The following DIAPH2 variants were observed in gnomAD, a reference collection of about 807,000 sequenced individuals.
DIAPH2 encodes protein diaphanous homolog 2.
DIAPH2 carries 35 observed loss-of-function variants against 92.7 expected under a neutral mutation model. That is an observed-to-expected ratio of 0.38 (90% CI 0.29 to 0.50). The LOEUF is 0.50. DIAPH2 is among the 20% of genes least tolerant of loss of function. The pLI, the probability that DIAPH2 is intolerant of heterozygous loss-of-function variation, is 0.94. For synonymous variants in DIAPH2, 301 were observed against 280.4 expected, an observed-to-expected ratio of 1.07 and a Z score of -0.73; for missense variants, 701 against 819.5, an observed-to-expected ratio of 0.86 and a Z score of 1.77.
chrX:97,436,036 AC>A (rs1391946105), intron 26 of DIAPH2, among the ~76,000 whole-genome samples: 1 of 110,631 alleles, frequency 9.0e-6, no homozygotes, highest in Non-Finnish European at 1.9e-5. Flanking sequence ...CAATCTCCTG[AC>A]CTCGTGATCC....
Position 97,338,233 on chromosome X carries a change from G to A in DIAPH2, c.2845-9883G>A, listed in dbSNP as rs372277083. 5.0e-4 allele frequency among the ~76,000 whole-genome samples: 56 copies of A among 111,427 alleles called. No individual in the cohort carries two copies. The South Asian group carries it at 0.02, about 40-fold the overall frequency. ...ATCTTGAACTATTTTAAAGTATTATGTTGAACCCAAATGAAAATTAATACA... is the reference window on the plus strand; with the variant it reads ...ATCTTGAACTATTTTAAAGTATTATATTGAACCCAAATGAAAATTAATACA... On this transcript the variant is annotated intron_variant, in intron 23 of 26. Coordinates refer to ENST00000324765, the MANE Select transcript of DIAPH2 (RefSeq NM_006729.5).
chrX:97,087,120 A>G (rs1478865607), intron 19 of DIAPH2, among the ~76,000 whole-genome samples: 3 of 111,640 alleles, frequency 2.7e-5, no homozygotes. Context: ...GGTGCCAAAA[A>G]ATACTTAATT....
intron 22 of DIAPH2, among the ~76,000 whole-genome samples, chrX:97,225,839 C>G (rs2067961034): frequency 8.9e-6 from 1 of 112,061 alleles, no homozygotes. Context: ...AGTACACAGA[C>G]TATCTGCAAA....
At chrX:96,696,124 A>G (rs1253070213) in intron 1 of DIAPH2, among the ~76,000 whole-genome samples, 4 of 111,896 alleles carry the variant, frequency 3.6e-5, no homozygotes, top group African/African-American at 1.3e-4. Flanking sequence ...GCTGATGCCT[A>G]TAATCCTAGC....
intron 22 of DIAPH2, among the ~76,000 whole-genome samples, chrX:97,207,269 T>C (rs1261238644): frequency 2.7e-5 from 3 of 112,126 alleles, no homozygotes; most frequent in Non-Finnish European, 3.8e-5. Flanking sequence ...CATGTAACAA[T>C]GTTTACAGCG....
rs111827849 is a variant in DIAPH2, at chrX:97,130,476, A to C, written c.2590-11189A>C. The stretch of plus-strand genomic sequence containing the variant: ...ATTATAATATGAATGAATCTCCGTG[A>C]TGTTATGCTACATGAAATAAGCCAT... On this transcript the variant is annotated intron_variant, in intron 21 of 26. Coordinates refer to ENST00000324765, the MANE Select transcript of DIAPH2 (RefSeq NM_006729.5). 5.0e-3 allele frequency among the ~76,000 whole-genome samples: 557 copies of C among 112,012 alleles called. 9 individuals carry two copies. Among genetic ancestry groups the C allele is most frequent in the African/African-American group, 0.017 (534 of 30,831 alleles).
At chrX:97,504,934 C>T (rs1300415186) in intron 26 of DIAPH2, among the ~76,000 whole-genome samples, 3 of 111,786 alleles carry the variant, frequency 2.7e-5, no homozygotes, top group Non-Finnish European at 3.8e-5. Flanking sequence ...TTAGTAGACA[C>T]ATTGACATGG....
intron 23 of DIAPH2, among the ~76,000 whole-genome samples, chrX:97,346,575 T>A (rs917909446): frequency 1.8e-5 from 2 of 112,021 alleles, no homozygotes; most frequent in African/African-American, 6.5e-5. Flanking sequence ...ATTTATTTAA[T>A]ATAAGTTTTA....
chrX:96,711,418 C>T (rs1046518110), intron 1 of DIAPH2, among the ~76,000 whole-genome samples: 13 of 111,819 alleles, frequency 1.2e-4, no homozygotes, highest in South Asian at 3.7e-4. Flanking sequence ...ATTTGCACTT[C>T]CTTGATAATT....
chrX:97,076,487 A>T (rs2066705324), intron 19 of DIAPH2, among the ~76,000 whole-genome samples: 1 of 111,558 alleles, frequency 9.0e-6, no homozygotes, highest in Admixed American at 9.5e-5. Flanking sequence ...AGCCGAGCCC[A>T]TGCCACTGCA....
In DIAPH2 at chrX:97,290,074, AATAT is replaced by A. The variant is rs374540988; in HGVS notation, c.2844+42255_2844+42258del. ...TTTTCCTTCCCTTGGCAGTAATTTA[AATAT>A]ATATATATATATATATATAATTAGA... On this transcript the variant is annotated intron_variant, in intron 23 of 26. Transcript: ENST00000324765. 6.0e-3 allele frequency among the ~76,000 whole-genome samples: 567 copies of A among 95,115 alleles called. 2 individuals are homozygous for A. Among genetic ancestry groups the A allele is most frequent in the African/African-American group, 0.02 (536 of 26,557 alleles). 82.6% of individuals were successfully genotyped at this position (95,115 alleles called of 115,157 possible).
At chrX:97,597,210 A>G (rs1364234896) in intron 26 of DIAPH2, among the ~76,000 whole-genome samples, 1 of 111,925 alleles carries the variant, frequency 8.9e-6, no homozygotes, top group Non-Finnish European at 1.9e-5. Context: ...AAAGGAATAA[A>G]GGGAGGGAGA....
intron 23 of DIAPH2, among the ~76,000 whole-genome samples, chrX:97,253,930 G>A (rs185692380): frequency 8.9e-6 from 1 of 111,801 alleles, no homozygotes; most frequent in East Asian, 2.8e-4. Flanking sequence ...AAAGGCAAGT[G>A]GGGATTTATA....
In DIAPH2 at chrX:97,348,059, A is replaced by G. The variant is rs146815294; in HGVS notation, c.2845-57A>G. 2,420 of 1,055,800 alleles carry G rather than the reference A, an allele frequency of 2.3e-3. 40 individuals are homozygous for G. The African/African-American group carries it at 0.041, about 18-fold the overall frequency. The allele number at this position is 1,055,800 out of a possible 1,213,427, so 87.0% of individuals were successfully genotyped here. The stretch of plus-strand genomic sequence containing the variant: ...ATGATTTAATTTAATCTTAACATCT[A>G]GTGATTGATTGCCTTTAAAAGGTAC... On this transcript the variant is annotated intron_variant, in intron 23 of 26. Transcript: ENST00000324765.
At chrX:96,898,027 C>A (rs829300) in intron 5 of DIAPH2, among the ~76,000 whole-genome samples, 39,982 of 77,990 alleles carry the variant, frequency 0.51, 9,844 homozygotes, top group South Asian at 0.67. Context: ...TTTCCAATTT[C>A]ATCCATGTCC....
At chrX:96,977,950 C>T (rs769163192) in intron 17 of DIAPH2, among the ~76,000 whole-genome samples, 9 of 112,144 alleles carry the variant, frequency 8.0e-5, no homozygotes, top group African/African-American at 2.3e-4. Flanking sequence ...TCCCAAGGTG[C>T]TGGGATTACA....
chrX:96,888,044 A>G (rs2065276119), intron 5 of DIAPH2, among the ~76,000 whole-genome samples: 1 of 107,551 alleles, frequency 9.3e-6, no homozygotes, highest in African/African-American at 3.4e-5. Flanking sequence ...TTTTCAGCTC[A>G]GACCTCTCTG....
At chrX:96,899,104 G>A (rs186795301) in intron 5 of DIAPH2, among the ~76,000 whole-genome samples, 1 of 111,076 alleles carries the variant, frequency 9.0e-6, no homozygotes, top group East Asian at 2.8e-4. Context: ...TTTGGTACCA[G>A]TACCATGCTC....
At chrX:96,934,759 G>T (rs919344024) in intron 10 of DIAPH2, among the ~76,000 whole-genome samples, 14 of 111,246 alleles carry the variant, frequency 1.3e-4, no homozygotes, top group African/African-American at 3.9e-4. Context: ...TTTTAAAATA[G>T]GATTTTTTTC....
Sources: allele counts gnomAD v4.1 joint callset (sites outside exome capture counted in the v4.1 genomes callset), GRCh38; gene constraint gnomAD v4.1.1; transcripts MANE v1.5; gene names NCBI Gene and HGNC (gene_info 2026-07-23, HGNC 2026-07-21).